The following LARP1 variants were observed in gnomAD, a reference collection of about 807,000 sequenced individuals.
The protein encoded by LARP1 is la-related protein 1.
Under a neutral mutation model 122.7 loss-of-function variants are expected in LARP1, and 36 were observed. The observed-to-expected ratio is 0.29, with a 90% CI of 0.22 to 0.39. The LOEUF (loss-of-function observed/expected upper bound fraction) is 0.39. Ranked by LOEUF, LARP1 falls within the 10% of genes least tolerant of loss-of-function variation. The pLI, the probability that LARP1 is intolerant of heterozygous loss-of-function variation, is 1.00. For synonymous variants in LARP1, 539 were observed against 528.7 expected (o/e 1.02, Z -0.27); for missense variants, 1,040 against 1,403.6 (o/e 0.74, Z 4.14).
At position 154,793,954 on chromosome 5, in the gene LARP1, A is replaced by C; in HGVS notation, c.1023A>C (p.Gly341=). Reference sequence around the variant, plus strand: ...CGCGGGCTTCCTTCCGTGGCCGTGGACGGGGGCGTGGTCGCGGCCGGGGAC... The same window carrying C: ...CGCGGGCTTCCTTCCGTGGCCGTGGCCGGGGGCGTGGTCGCGGCCGGGGAC... ...GGARASFRGR[G]RGRGRGRGRG... is the part of the protein sequence containing the mutation. The change falls in exon 6 of 19, where the codon GGA becomes GGC. Residue 341 remains glycine, a synonymous_variant. Transcript: ENST00000518297. 1.2e-6 allele frequency: 2 copies of C among 1,612,814 alleles called. No individual in the cohort carries two copies. Among genetic ancestry groups the C allele is most frequent in the East Asian group, 2.2e-5 (1 of 44,824 alleles).
intron 1 of LARP1, among the ~76,000 whole-genome samples, chr5:154,763,587 G>A (rs1754657182): frequency 6.6e-6 from 1 of 151,820 alleles, no homozygotes; most frequent in Admixed American, 6.6e-5. Context: ...AAGGCTGCAA[G>A]TGAGCTGTGA....
intron 18 of LARP1, among the ~76,000 whole-genome samples, chr5:154,812,202 A>G (rs1001810621): frequency 1.3e-5 from 2 of 151,954 alleles, no homozygotes; most frequent in Non-Finnish European, 2.9e-5. Flanking sequence ...TCCTTCTGAG[A>G]GTTTATAATG....
At chr5:154,695,815 G>A (rs567457085) in intron 1 of LARP1, among the ~76,000 whole-genome samples, 1 of 152,094 alleles carries the variant, frequency 6.6e-6, no homozygotes, top group Non-Finnish European at 1.5e-5. Context: ...AAAGGTCACA[G>A]TGAGCCAAGA....
intron 1 of LARP1, among the ~76,000 whole-genome samples, chr5:154,725,227 T>G (rs904009851): frequency 6.6e-6 from 1 of 151,586 alleles, no homozygotes; most frequent in Non-Finnish European, 1.5e-5. Flanking sequence ...CCGTCTCTAC[T>G]AAAAATACAA....
At chr5:154,771,199 C>T (rs895542360) in intron 1 of LARP1, among the ~76,000 whole-genome samples, 10 of 152,108 alleles carry the variant, frequency 6.6e-5, no homozygotes, top group Admixed American at 3.3e-4. Flanking sequence ...TGTCCTTGGG[C>T]TTGGCCAGGT....
At chr5:154,765,460 G>A (rs1217895121) in intron 1 of LARP1, among the ~76,000 whole-genome samples, 2 of 152,112 alleles carry the variant, frequency 1.3e-5, no homozygotes, top group Non-Finnish European at 2.9e-5. Context: ...GTGCAATCAC[G>A]GCTCACTGCA....
chr5:154,790,416 G>T, intron 2 of LARP1, 30 bp downstream of exon 2: 2 of 1,601,452 alleles, frequency 1.2e-6, no homozygotes, highest in South Asian at 2.2e-5. Context: ...AACCCAAGGG[G>T]ACTTTCTGGA....
intron 1 of LARP1, among the ~76,000 whole-genome samples, chr5:154,713,781 A>T (rs1398012413): frequency 6.6e-6 from 1 of 152,208 alleles, no homozygotes; most frequent in Non-Finnish European, 1.5e-5. Flanking sequence ...GGACTTAAAA[A>T]TTTCCTATGT....
rs1449870847 is a variant in LARP1 at position 154,763,149 on chromosome 5, C to T, written c.436+6956C>T. ...GATCTCAGCTCACCGCAACCTATGC[C>T]TCCTGGGTTCAAGCGATTCTCCTGC... On this transcript the variant is annotated intron_variant, in intron 1 of 18. Transcript: ENST00000518297. 2.0e-5 allele frequency among the ~76,000 whole-genome samples: 3 copies of T among 151,514 alleles called. No individual in the cohort carries two copies. In the South Asian group the frequency reaches 6.2e-4, roughly 32 times the overall value.
chr5:154,802,572 AG>A lies in LARP1; in HGVS notation c.2109+177del, dbSNP rs2113834897. Among the ~76,000 whole-genome samples, 1 of 152,242 alleles carries A rather than the reference AG, an allele frequency of 6.6e-6. No homozygotes were observed. Among genetic ancestry groups the A allele is most frequent in the Non-Finnish European group, 1.5e-5 (1 of 68,004 alleles). ...ACATCTAGCTTGGGCATTAGGAGTG[AG>A]GGGTGATGTGTAAACACTGCAAACT... On this transcript the variant is annotated intron_variant, in intron 11 of 18. Transcript: ENST00000518297. This position sits in a 1 kb window ranked among gnomAD's most constrained non-coding sequence, Gnocchi z 5.1.
chr5:154,761,677 G>C (rs1468176943), intron 1 of LARP1, among the ~76,000 whole-genome samples: 5 of 152,300 alleles, frequency 3.3e-5, no homozygotes, highest in Admixed American at 2.6e-4. Flanking sequence ...CCAGGAGAGA[G>C]GATGGCCTTA....
chr5:154,735,202 C>T (rs990088583), intron 1 of LARP1, among the ~76,000 whole-genome samples: 2 of 152,090 alleles, frequency 1.3e-5, no homozygotes, highest in Non-Finnish European at 2.9e-5. Flanking sequence ...TGCCTGTTAT[C>T]CCAGCACTTT....
At chr5:154,771,834 TG>T (rs1755454785) in intron 1 of LARP1, among the ~76,000 whole-genome samples, 1 of 152,134 alleles carries the variant, frequency 6.6e-6, no homozygotes, top group Non-Finnish European at 1.5e-5. Flanking sequence ...TTTTCACGAA[TG>T]GCCTTAGGGT....
chr5:154,744,369 A>G (rs1444117845), intron 1 of LARP1, among the ~76,000 whole-genome samples: 2 of 152,054 alleles, frequency 1.3e-5, no homozygotes, highest in African/African-American at 4.8e-5. Flanking sequence ...CCATATATTA[A>G]TGACTGGTAT....
In LARP1 at chr5:154,756,211, C is replaced by A; in HGVS notation, c.436+18C>A. The A allele has an allele frequency of 8.0e-7, 1 of 1,248,710 alleles. No homozygotes were observed. The highest frequency in any genetic ancestry group is 3.0e-5 in the Admixed American group (1 of 33,612). The allele number at this position is 1,248,710 out of a possible 1,614,324, so 77.4% of individuals were successfully genotyped here. A position where few individuals can be genotyped will look rare whatever the true frequency, so the allele number is the denominator to read the frequency against. ...CCCCCCAGGTGGGTCTCCCTCCTTG[C>A]CCTCCTGGGTCCGGGGGCCTCTTCC... On this transcript the variant is annotated intron_variant, in intron 1 of 18. Coordinates refer to ENST00000518297, the MANE Select transcript of LARP1 (RefSeq NM_033551.3).
intron 1 of LARP1, among the ~76,000 whole-genome samples, chr5:154,783,164 A>G (rs956825681): frequency 6.6e-6 from 1 of 152,066 alleles, no homozygotes; most frequent in African/African-American, 2.4e-5. Flanking sequence ...GGCCTTCCTT[A>G]TATCTGGGGG....
At chr5:154,784,999 A>G (rs1394259725) in intron 1 of LARP1, among the ~76,000 whole-genome samples, 1 of 152,220 alleles carries the variant, frequency 6.6e-6, no homozygotes, top group African/African-American at 2.4e-5. Flanking sequence ...ACTGAATTTC[A>G]ACTGAAAGGG....
chr5:154,761,655 C>G (rs977518907), intron 1 of LARP1, among the ~76,000 whole-genome samples: 4 of 152,160 alleles, frequency 2.6e-5, no homozygotes, highest in Non-Finnish European at 5.9e-5. Context: ...CCAGAGTGAT[C>G]TAAGGGAGTG....
intron 1 of LARP1, among the ~76,000 whole-genome samples, chr5:154,699,243 C>T (rs1561532645): frequency 1.3e-5 from 2 of 152,184 alleles, no homozygotes; most frequent in Non-Finnish European, 2.9e-5. Flanking sequence ...CTGTGAAGGA[C>T]ACAAACACTT....
Sources: gnomAD v4.1 joint callset for allele counts (sites outside exome capture counted in the v4.1 genomes callset) on GRCh38, gnomAD v4.1.1 for gene constraint, Gnocchi (gnomAD v3.1) non-coding constraint, MANE v1.5 for transcripts, NCBI Gene and HGNC (gene_info 2026-07-23, HGNC 2026-07-21) for gene names.